Variants in MORC1 observed in about 807,000 individuals in gnomAD.
The protein encoded by MORC1 is MORC family CW-type zinc finger protein 1.
Under a neutral mutation model 134.9 loss-of-function variants are expected in MORC1, and 59 were observed. The observed-to-expected ratio is 0.44, with a 90% confidence interval of 0.35 to 0.54. MORC1 has a LOEUF of 0.54. Among genes scored for constraint, MORC1 ranks in the 20% least tolerant of loss-of-function variants. The probability of loss-of-function intolerance (pLI) is 0.00; values close to 1 mark genes in which losing one functional copy is unlikely to be tolerated. For synonymous variants in MORC1, 395 were observed against 391.7 expected (o/e 1.01, Z -0.10); for missense variants, 947 against 1,134.5 (o/e 0.83, Z 2.37).
intron 17 of MORC1, among the ~76,000 whole-genome samples, chr3:109,013,038 G>A (rs1418287622): frequency 6.6e-6 from 1 of 152,132 alleles, no homozygotes; most frequent in Non-Finnish European, 1.5e-5. Flanking sequence ...AGCTGCAAGT[G>A]TTTTGTAGAT....
rs2107441663 is a variant in MORC1 at position 108,979,612 on chromosome 3, C to G, written c.2380G>C (p.Val794Leu). The G allele has an allele frequency of 6.2e-7, 1 of 1,614,184 alleles. No individual in the cohort carries two copies. The highest frequency in any genetic ancestry group is 1.1e-5 in the South Asian group (1 of 91,084). ...ACTTTACAACTGCCACTCACAGAAA[C>G]TCTGGCTATGTGTCCAGAACTTAGA... ...VNLSSGHIAR[V>L]SVSGSCKVAS... The change falls in exon 24 of 28, where the codon GTT becomes CTT. Residue 794 changes from valine (V) to leucine (L), a missense_variant. Physicochemically the swap from Val to Leu is conservative, Grantham distance 32. Coordinates refer to ENST00000232603, the MANE Select transcript of MORC1 (RefSeq NM_014429.4).
At chr3:109,072,844 G>C (rs576137873) in intron 8 of MORC1, among the ~76,000 whole-genome samples, 2 of 152,104 alleles carry the variant, frequency 1.3e-5, no homozygotes, top group East Asian at 3.9e-4. Flanking sequence ...TTTGTCAGAA[G>C]TGTCCATATC....
At chr3:109,027,729 G>A (rs1949115478) in intron 17 of MORC1, 22 bp downstream of exon 17, 2 of 1,613,462 alleles carry the variant, frequency 1.2e-6, no homozygotes, top group Middle Eastern at 1.7e-4. Context: ...GTAGAATTAG[G>A]GAGGAATTAA....
At chr3:109,041,366 C>T (rs1230032388) in intron 14 of MORC1, among the ~76,000 whole-genome samples, 1 of 151,628 alleles carries the variant, frequency 6.6e-6, no homozygotes, top group Non-Finnish European at 1.5e-5. Context: ...CAGAAGTGAA[C>T]TTTAATACAG....
At chr3:109,093,734 G>A (rs1334075055) in intron 7 of MORC1, among the ~76,000 whole-genome samples, 193 bp from the exon 8 acceptor site, 2 of 152,208 alleles carry the variant, frequency 1.3e-5, no homozygotes, top group African/African-American at 4.8e-5. Context: ...CTGCCAAAGA[G>A]TGCTGAGTTT....
At chr3:109,040,485 A>AAAGAAAGAAGGAAAGG (rs61499269) in intron 14 of MORC1, among the ~76,000 whole-genome samples, 1 of 114,528 alleles carries the variant, frequency 8.7e-6, no homozygotes, top group Non-Finnish European at 1.8e-5. Context: ...AGAAAGAAAG[A>AAAGAAAGAAGGAAAGG]AAGGAAAGAA....
chr3:108,978,937 A>G (rs1227218773), intron 24 of MORC1, among the ~76,000 whole-genome samples: 1 of 152,096 alleles, frequency 6.6e-6, no homozygotes, highest in Non-Finnish European at 1.5e-5. Context: ...TTTAGAGCAC[A>G]AGTCTGTATA....
intron 16 of MORC1, 107 bp from the exon 17 acceptor site, chr3:109,027,996 T>C (rs1949126748): frequency 2.5e-6 from 3 of 1,210,040 alleles, no homozygotes; most frequent in South Asian, 3.2e-5. Context: ...ATGTCATATA[T>C]CCAAAATTCA....
chr3:109,058,270 C>T (rs1053935939), intron 12 of MORC1, among the ~76,000 whole-genome samples: 1 of 152,078 alleles, frequency 6.6e-6, no homozygotes, highest in African/African-American at 2.4e-5. Context: ...CTTTCTGTCT[C>T]ATTTGAAAAA....
intron 22 of MORC1, among the ~76,000 whole-genome samples, chr3:108,985,299 T>C (rs935656274): frequency 3.9e-5 from 6 of 152,250 alleles, no homozygotes; most frequent in African/African-American, 1.2e-4. Context: ...CTTGGTGATT[T>C]ATTTCCAGCT....
chr3:109,116,588 T>C lies in MORC1; in HGVS notation c.65+1407A>G, dbSNP rs562667360. 2.0e-5 allele frequency among the ~76,000 whole-genome samples: 3 copies of C among 152,144 alleles called. No homozygotes were observed. In the East Asian group the frequency reaches 5.8e-4, roughly 29 times the overall value. On this transcript the variant is annotated intron_variant, in intron 1 of 27. Coordinates refer to ENST00000232603, the MANE Select transcript of MORC1 (RefSeq NM_014429.4). Reference sequence around the variant, plus strand: ...GAGTTCAAGGCCAGCCTGAGCAACATAGCCAGACCCCATCTCTACTAAAAA... The same window carrying C: ...GAGTTCAAGGCCAGCCTGAGCAACACAGCCAGACCCCATCTCTACTAAAAA...
intron 14 of MORC1, among the ~76,000 whole-genome samples, chr3:109,046,801 A>G (rs1416589752): frequency 1.3e-5 from 2 of 152,222 alleles, no homozygotes; most frequent in Non-Finnish European, 2.9e-5. Context: ...AGTGAAATAA[A>G]TTAATATATC....
intron 17 of MORC1, among the ~76,000 whole-genome samples, chr3:109,019,640 T>C (rs1177275428): frequency 6.6e-6 from 1 of 152,196 alleles, no homozygotes; most frequent in East Asian, 1.9e-4. Flanking sequence ...ACTCCATCTT[T>C]GGCAGATTAT....
At chr3:109,045,199 T>C (rs767975039) in intron 14 of MORC1, among the ~76,000 whole-genome samples, 1 of 152,178 alleles carries the variant, frequency 6.6e-6, no homozygotes, top group Non-Finnish European at 1.5e-5. Context: ...TTTCAGGTGG[T>C]TCTGCATCTA....
At chr3:109,102,485 T>G (rs1365608682) in intron 4 of MORC1, among the ~76,000 whole-genome samples, 3 of 152,112 alleles carry the variant, frequency 2.0e-5, no homozygotes, top group Non-Finnish European at 4.4e-5. Context: ...CTAGAGAATT[T>G]TTTAAAAACC....
At chr3:109,090,304 G>A (rs1341859797) in intron 8 of MORC1, among the ~76,000 whole-genome samples, 1 of 151,958 alleles carries the variant, frequency 6.6e-6, no homozygotes, top group Non-Finnish European at 1.5e-5. Flanking sequence ...ATGATAAAAG[G>A]TTTTGAATCC....
intron 14 of MORC1, among the ~76,000 whole-genome samples, chr3:109,040,951 C>G (rs1320240096): frequency 6.6e-6 from 1 of 151,188 alleles, no homozygotes; most frequent in African/African-American, 2.4e-5. Context: ...AATTATGGAG[C>G]TGAAAAAATA....
intron 21 of MORC1, among the ~76,000 whole-genome samples, chr3:108,989,689 A>C (rs1432253674): frequency 6.6e-6 from 1 of 152,154 alleles, no homozygotes; most frequent in African/African-American, 2.4e-5. Context: ...TGAAGGAGCC[A>C]TAAGGACTAT....
chr3:109,052,831 C>A (rs142849186), intron 14 of MORC1, among the ~76,000 whole-genome samples: 1 of 151,992 alleles, frequency 6.6e-6, no homozygotes, highest in Admixed American at 6.6e-5. Context: ...TATTTACAGA[C>A]GACCTATAGA....
Sources: gnomAD v4.1 joint callset for allele counts (sites outside exome capture counted in the v4.1 genomes callset) on GRCh38, gnomAD v4.1.1 for gene constraint, MANE v1.5 for transcripts, NCBI Gene and HGNC (gene_info 2026-07-23, HGNC 2026-07-21) for gene names.